Variants in SLC25A40 observed in about 807,000 individuals in gnomAD.
SLC25A40 encodes the protein solute carrier family 25 member 40.
A neutral mutation model predicts 46.5 loss-of-function variants in SLC25A40; 41 were observed. That is an observed-to-expected ratio of 0.88 (90% CI 0.69 to 1.14). The LOEUF is 1.14. Among genes scored for constraint, SLC25A40 ranks in the 50% most tolerant of loss-of-function variants. The probability of loss-of-function intolerance (pLI) is 0.00; values close to 1 mark genes in which losing one functional copy is unlikely to be tolerated. For missense variants in SLC25A40, 386 were observed against 393.6 expected (o/e 0.98, Z 0.16); for synonymous variants, 126 against 127.5 (o/e 0.99, Z 0.08).
chr7:87,865,035 G>A (rs1251419148), intron 1 of SLC25A40, among the ~76,000 whole-genome samples: 2 of 147,796 alleles, frequency 1.4e-5, no homozygotes, highest in Non-Finnish European at 1.5e-5. Flanking sequence ...GGAGTGCAAT[G>A]GCAGGATCAC....
chr7:87,859,448 A>AAAT (rs947774101), intron 2 of SLC25A40, among the ~76,000 whole-genome samples: 27 of 152,128 alleles, frequency 1.8e-4, no homozygotes, highest in South Asian at 8.3e-4. Context: ...TCTCAAAAAA[A>AAAT]AATAATAATA....
chr7:87,844,066 A>G (rs1838376967), intron 8 of SLC25A40: 1 of 838,288 alleles, frequency 1.2e-6, no homozygotes, highest in Admixed American at 6.2e-5. Context: ...ATAAACAAAA[A>G]AAACTATGCA....
intron 1 of SLC25A40, among the ~76,000 whole-genome samples, chr7:87,861,781 T>G (rs1353999184): frequency 2.6e-5 from 4 of 152,180 alleles, no homozygotes; most frequent in African/African-American, 9.6e-5. Flanking sequence ...GGTTGACAAC[T>G]TGAATATGCG....
In SLC25A40 at chr7:87,835,127, A is replaced by G. The variant is rs1235253364; in HGVS notation, c.*1122T>C. On this transcript the variant is annotated 3_prime_UTR_variant, in exon 12 of 12. Coordinates refer to ENST00000341119, the MANE Select transcript of SLC25A40 (RefSeq NM_018843.4). ...ATAGGATATAGATCCTAAGAAAATAAAACTAAAGTATAAAAAATGAATAGC... is the reference window on the plus strand; with the variant it reads ...ATAGGATATAGATCCTAAGAAAATAGAACTAAAGTATAAAAAATGAATAGC... 1 of 151,506 alleles carries G rather than the reference A, an allele frequency of 6.6e-6. No individual in the cohort carries two copies. The highest frequency in any genetic ancestry group is 1.5e-5 in the Non-Finnish European group (1 of 67,610). 9.4% of individuals were successfully genotyped at this position (151,506 alleles called of 1,614,324 possible). A position where few individuals can be genotyped will look rare whatever the true frequency, so the allele number is the denominator to read the frequency against.
At chr7:87,863,650 T>A (rs1032001561) in intron 1 of SLC25A40, among the ~76,000 whole-genome samples, 1 of 151,566 alleles carries the variant, frequency 6.6e-6, no homozygotes, top group African/African-American at 2.4e-5. Flanking sequence ...ATTAATATAG[T>A]GTGTCAAGAT....
intron 3 of SLC25A40, among the ~76,000 whole-genome samples, chr7:87,856,722 T>C (rs867960619): frequency 6.6e-6 from 1 of 152,178 alleles, no homozygotes; most frequent in African/African-American, 2.4e-5. Context: ...CAAATGATAT[T>C]AGTCTTCCCA....
rs1001763537 is a variant in SLC25A40 at position 87,842,156 on chromosome 7, GAATAAAGA to G, written c.742-450_742-443del. 1.5e-4 allele frequency: 30 copies of G among 193,770 alleles called. 1 individual carries two copies. 12.0% of individuals were successfully genotyped at this position (193,770 alleles called of 1,614,324 possible). ...TAAAATAGAATAAAAAATTAAATTT[GAATAAAGA>G]AAATGAATTTTGAACTTTTAACTCT... On this transcript the variant is annotated intron_variant, in intron 9 of 11. Transcript: ENST00000341119.
chr7:87,858,677 T>G lies in SLC25A40; in HGVS notation c.51A>C (p.Gln17His). 1 of 1,613,190 alleles carries G rather than the reference T, an allele frequency of 6.2e-7. No individual in the cohort carries two copies. Among genetic ancestry groups the G allele is most frequent in the South Asian group, 1.1e-5 (1 of 91,060 alleles). ...CTCCAGTACATGAGGCAAGCATTTG[T>G]TGAAGAGGTGTCACTTTGATAATCT... Reference protein sequence around the residue: ...GQEIIKVTPLQQMLASCTGAI... With the variant: ...GQEIIKVTPLHQMLASCTGAI... Residue 17 changes from glutamine (Q) to histidine (H), a missense_variant, in exon 3 of 12, where the codon CAA becomes CAC. Coordinates refer to ENST00000341119, the MANE Select transcript of SLC25A40 (RefSeq NM_018843.4).
chr7:87,866,651 C>T (rs867437027), intron 1 of SLC25A40, among the ~76,000 whole-genome samples: 4 of 152,156 alleles, frequency 2.6e-5, no homozygotes, highest in Non-Finnish European at 4.4e-5. Flanking sequence ...AACCGCTCAG[C>T]GGCATTCCAC....
chr7:87,868,952 T>G (rs146523807), intron 1 of SLC25A40, among the ~76,000 whole-genome samples: 31 of 152,356 alleles, frequency 2.0e-4, no homozygotes, highest in Non-Finnish European at 3.8e-4. Context: ...CCTAAAGCTA[T>G]CAGTCAGTAT....
At chr7:87,865,146 G>T (rs1041233432) in intron 1 of SLC25A40, among the ~76,000 whole-genome samples, 1 of 151,704 alleles carries the variant, frequency 6.6e-6, no homozygotes, top group South Asian at 2.1e-4. Flanking sequence ...CTGGTCTAAC[G>T]CATTGCTTGT....
At chr7:87,849,837 T>C (rs1044817288) in intron 6 of SLC25A40, 44 bp downstream of exon 6, 2 of 1,333,262 alleles carry the variant, frequency 1.5e-6, no homozygotes, top group Non-Finnish European at 2.1e-6. Context: ...TAGGATAAAA[T>C]AACAATCATT....
Position 87,847,941 on chromosome 7 carries a change from G to A in SLC25A40, c.369C>T (p.Thr123=). The part of the protein sequence containing the change: ...MAVPATVIYF[T]CYDQLSALLR... Reference sequence around the variant, plus strand: ...GAAGAGCACTTAATTGATCATAGCAGGTAAAATAAATAACTGTGGCAGGAA... The same window carrying A: ...GAAGAGCACTTAATTGATCATAGCAAGTAAAATAAATAACTGTGGCAGGAA... Residue 123 remains threonine, a synonymous_variant, in exon 7 of 12, where the codon ACC becomes ACT. Coordinates refer to ENST00000341119, the MANE Select transcript of SLC25A40 (RefSeq NM_018843.4). 1.2e-6 allele frequency: 2 copies of A among 1,608,310 alleles called. No homozygotes were observed. Among genetic ancestry groups the A allele is most frequent in the Non-Finnish European group, 8.5e-7 (1 of 1,177,854 alleles).
intron 1 of SLC25A40, among the ~76,000 whole-genome samples, chr7:87,875,869 C>G (rs890146270): frequency 2.0e-5 from 3 of 152,318 alleles, no homozygotes; most frequent in South Asian, 2.1e-4. Context: ...CCCTCACTCC[C>G]GCACGTCCCT....
chr7:87,853,796 G>A (rs1029480602), intron 5 of SLC25A40, among the ~76,000 whole-genome samples: 62 of 152,202 alleles, frequency 4.1e-4, no homozygotes, highest in African/African-American at 1.3e-3. Flanking sequence ...AGAACACAAC[G>A]GAAATGGGTG....
Position 87,846,991 on chromosome 7 carries a change from T to TC in SLC25A40, c.588dup (p.Arg197GlufsTer9). 6.2e-7 allele frequency: 1 copy of TC among 1,613,652 alleles called. No homozygotes were observed. The highest frequency in any genetic ancestry group is 8.5e-7 in the Non-Finnish European group (1 of 1,179,772). ...CTAAGAACAGTAGGAGCCCAGCCCC[T>TC]CCAAAGGGAAATCCAACCATCTTCA... On this transcript the variant is annotated frameshift_variant, in exon 8 of 12. Transcript: ENST00000341119. LOFTEE classifies it high-confidence loss of function.
In SLC25A40 at chr7:87,836,290, C is replaced by G. The variant is rs1041774938; in HGVS notation, c.976G>C (p.Ala326Pro). 2 of 1,585,046 alleles carry G rather than the reference C, an allele frequency of 1.3e-6. No individual in the cohort carries two copies. The highest frequency in any genetic ancestry group is 1.7e-6 in the Non-Finnish European group (2 of 1,169,302). Reference protein sequence around the residue: ...IMISTYEFGKAFFQKQNVRRQ... With the variant: ...IMISTYEFGKPFFQKQNVRRQ... The stretch of plus-strand genomic sequence containing the variant: ...CGAACATTTTGTTTCTGGAAAAAAG[C>G]CTTTCCAAATTCATATGTACTGATC... The change falls in exon 12 of 12, where the codon GCT becomes CCT. Residue 326 changes from alanine (A) to proline (P), a missense_variant. Transcript: ENST00000341119.
chr7:87,849,691 A>G (rs1838477918), intron 6 of SLC25A40, among the ~76,000 whole-genome samples, 190 bp downstream of exon 6: 1 of 152,122 alleles, frequency 6.6e-6, no homozygotes, highest in Non-Finnish European at 1.5e-5. Context: ...TGTGAATGTA[A>G]CCTCTTCAGG....
intron 1 of SLC25A40, among the ~76,000 whole-genome samples, chr7:87,872,539 G>GATC (rs1424109872): frequency 1.3e-5 from 2 of 152,202 alleles, no homozygotes; most frequent in Admixed American, 6.5e-5. Flanking sequence ...TGAAAGGCTT[G>GATC]AGCAAGCCTT....
Sources: gnomAD v4.1 joint callset for allele counts (sites outside exome capture counted in the v4.1 genomes callset) on GRCh38, gnomAD v4.1.1 for gene constraint, MANE v1.5 for transcripts, NCBI Gene and HGNC (gene_info 2026-07-23, HGNC 2026-07-21) for gene names.